DLGAP1: variants seen among roughly 807,000 people sequenced by gnomAD.
The protein encoded by DLGAP1 is DLG associated protein 1, also known as disks large-associated protein 1.
DLGAP1 carries 11 observed loss-of-function variants against 90.8 expected under a neutral mutation model. The ratio of observed to expected loss-of-function variants is 0.12; its 90% CI spans 0.08 to 0.20. The LOEUF (loss-of-function observed/expected upper bound fraction) is 0.20. Ranked by LOEUF, DLGAP1 falls within the 10% of genes least tolerant of loss-of-function variation. The pLI, the probability that DLGAP1 is intolerant of heterozygous loss-of-function variation, is 1.00. For missense variants in DLGAP1, 1,050 were observed against 1,333.8 expected (o/e 0.79, Z 3.31); for synonymous variants, 558 against 540.7 (o/e 1.03, Z -0.44).
intron 4 of DLGAP1, among the ~76,000 whole-genome samples, chr18:3,865,744 C>T (rs750400505): frequency 3.3e-5 from 5 of 152,170 alleles, no homozygotes; most frequent in East Asian, 1.9e-4. Context: ...ATTTAATACC[C>T]TCCTTTTCAT....
chr18:3,661,609 C>CTTTTT (rs2059684677), intron 7 of DLGAP1, among the ~76,000 whole-genome samples: 1 of 140,672 alleles, frequency 7.1e-6, no homozygotes, highest in African/African-American at 2.6e-5. Context: ...CAGAGTTTCA[C>CTTTTT]TTTGTTGCCC....
chr18:4,144,932 ATG>A (rs2144344744), intron 2 of DLGAP1, among the ~76,000 whole-genome samples: 1 of 152,348 alleles, frequency 6.6e-6, no homozygotes, highest in South Asian at 2.1e-4. Flanking sequence ...ATACTCAAAT[ATG>A]TGATTTGTAA....
intron 4 of DLGAP1, among the ~76,000 whole-genome samples, chr18:3,835,647 C>CA (rs573083559): frequency 0.23 from 17,939 of 79,270 alleles, 1,428 homozygotes; most frequent in African/African-American, 0.31. Context: ...GGCTCCGTCT[C>CA]AAAAAAAAAA....
chr18:4,345,851 T>C (rs562511006), intron 1 of DLGAP1, among the ~76,000 whole-genome samples: 2 of 152,344 alleles, frequency 1.3e-5, no homozygotes, highest in South Asian at 2.1e-4. Flanking sequence ...CGACATCAAA[T>C]ATCACCTGCA....
chr18:4,313,498 T>G (rs930356101), intron 1 of DLGAP1, among the ~76,000 whole-genome samples: 1 of 152,188 alleles, frequency 6.6e-6, no homozygotes, highest in Non-Finnish European at 1.5e-5. Flanking sequence ...ATGCTTATTC[T>G]TGTGAATAGG....
rs80336167 is a variant in DLGAP1, at chr18:3,502,746, C to T, written c.2572-101G>A. 4.9e-4 allele frequency: 662 copies of T among 1,355,918 alleles called. 5 individuals are homozygous for T. The African/African-American group carries it at 8.5e-3, about 17-fold the overall frequency. 84.0% of individuals were successfully genotyped at this position (1,355,918 alleles called of 1,614,324 possible). A position where few individuals can be genotyped will look rare whatever the true frequency, so the allele number is the denominator to read the frequency against. ...AATATTTCAAACAACATAAGGAGGA[C>T]TAGTTCCTTTTGGTTTTCCGACACG... On this transcript the variant is annotated intron_variant, in intron 11 of 12. Transcript: ENST00000315677.
chr18:4,057,337 A>G (rs1327491572), intron 2 of DLGAP1, among the ~76,000 whole-genome samples: 1 of 152,218 alleles, frequency 6.6e-6, no homozygotes, highest in African/African-American at 2.4e-5. Context: ...TAACTGGTAT[A>G]TGACCTTGTA....
At chr18:3,588,704 C>T (rs545504501) in intron 7 of DLGAP1, among the ~76,000 whole-genome samples, 21 of 141,546 alleles carry the variant, frequency 1.5e-4, no homozygotes, top group African/African-American at 2.9e-4. Context: ...TGCTTGAGCC[C>T]GGGAGGCGGA....
chr18:4,045,856 G>A lies in DLGAP1; in HGVS notation c.-158-40655C>T, dbSNP rs552944840. On this transcript the variant is annotated intron_variant, in intron 2 of 12. Transcript: ENST00000315677. ...CAGGCTGTAGTGCAGTGGTATGATC[G>A]TAGCTCACTATAACCTCAAGCAATC... Among the ~76,000 whole-genome samples the A allele has an allele frequency of 1.3e-4, 19 of 144,192 alleles. No homozygotes were observed. In the South Asian group the frequency reaches 2.2e-3, roughly 17 times the overall value. The allele number at this position is 144,192 out of a possible 152,430, so 94.6% of individuals were successfully genotyped here.
At chr18:4,156,887 C>T (rs970348750) in intron 1 of DLGAP1, among the ~76,000 whole-genome samples, 3 of 152,048 alleles carry the variant, frequency 2.0e-5, no homozygotes, top group Admixed American at 6.5e-5. Context: ...GCCATAGGGC[C>T]GAGTGCACAG....
chr18:4,004,832 G>A (rs965036193), intron 3 of DLGAP1, among the ~76,000 whole-genome samples: 1 of 151,804 alleles, frequency 6.6e-6, no homozygotes, highest in Admixed American at 6.6e-5. Flanking sequence ...TGACATTTTC[G>A]GCACAGGCAT....
intron 7 of DLGAP1, among the ~76,000 whole-genome samples, chr18:3,583,172 A>ACATT (rs1555688564): frequency 8.0e-6 from 1 of 124,736 alleles, no homozygotes. Context: ...CTACCTACCT[A>ACATT]CCTACCTACC....
intron 2 of DLGAP1, among the ~76,000 whole-genome samples, chr18:4,110,116 A>G (rs1031871917): frequency 6.6e-6 from 1 of 152,208 alleles, no homozygotes; most frequent in African/African-American, 2.4e-5. Flanking sequence ...TGTGAATATT[A>G]CAGAATTTAT....
At chr18:3,801,615 T>C (rs1232984999) in intron 5 of DLGAP1, among the ~76,000 whole-genome samples, 1 of 152,210 alleles carries the variant, frequency 6.6e-6, no homozygotes, top group Admixed American at 6.5e-5. Context: ...TCTTGTCTTA[T>C]AGGTACTATT....
intron 1 of DLGAP1, among the ~76,000 whole-genome samples, chr18:4,367,002 G>T (rs1410349729): frequency 5.4e-5 from 1 of 18,440 alleles, no homozygotes. Context: ...CTCTGTCAAT[G>T]GCAAAAAAAA....
At chr18:3,722,693 G>C (rs541770437) in intron 7 of DLGAP1, 1 of 152,266 alleles carries the variant, frequency 6.6e-6, no homozygotes, top group Non-Finnish European at 1.5e-5. Context: ...TGTTCAGAAA[G>C]CTTCTGATTG....
intron 7 of DLGAP1, among the ~76,000 whole-genome samples, chr18:3,701,273 G>T (rs1567983030): frequency 1.3e-5 from 2 of 152,178 alleles, no homozygotes. Context: ...CGGATCCAGG[G>T]TGAAAGCCTT....
chr18:3,500,053 G>T (rs370234682), intron 12 of DLGAP1, among the ~76,000 whole-genome samples: 1 of 152,186 alleles, frequency 6.6e-6, no homozygotes, highest in East Asian at 1.9e-4. Flanking sequence ...TCCTACACTC[G>T]AGAGTTAATT....
At chr18:4,081,587 A>T (rs1388835587) in intron 2 of DLGAP1, among the ~76,000 whole-genome samples, 1 of 152,146 alleles carries the variant, frequency 6.6e-6, no homozygotes, top group South Asian at 2.1e-4. Flanking sequence ...AAGTTGTCTC[A>T]TCTGCTTATA....
Sources: gnomAD v4.1 joint callset for allele counts (sites outside exome capture counted in the v4.1 genomes callset) on GRCh38, gnomAD v4.1.1 for gene constraint, MANE v1.5 for transcripts, NCBI Gene and HGNC (gene_info 2026-07-23, HGNC 2026-07-21) for gene names.